SYT9: variants seen among roughly 807,000 people sequenced by gnomAD.
SYT9 encodes synaptotagmin 9.
Under a neutral mutation model 48.4 loss-of-function variants are expected in SYT9, and 22 were observed. That is an observed-to-expected ratio of 0.45 (90% CI 0.32 to 0.65). The LOEUF (loss-of-function observed/expected upper bound fraction) is 0.65. Ranked by LOEUF, SYT9 falls within the 30% of genes least tolerant of loss-of-function variation. SYT9 has a pLI of 0.03. For synonymous variants in SYT9, 265 were observed against 245.0 expected (o/e 1.08, Z -0.76); for missense variants, 577 against 622.0 (o/e 0.93, Z 0.77).
chr11:7,436,689 G>A (rs902753999), intron 6 of SYT9, among the ~76,000 whole-genome samples: 1 of 151,784 alleles, frequency 6.6e-6, no homozygotes, highest in African/African-American at 2.4e-5. Flanking sequence ...GAAAGTTGAA[G>A]GTCTAAAACA....
intron 3 of SYT9, among the ~76,000 whole-genome samples, chr11:7,349,324 C>T (rs995873397): frequency 1.3e-5 from 2 of 151,714 alleles, no homozygotes; most frequent in Non-Finnish European, 2.9e-5. Context: ...TGTATACTTA[C>T]ACATGGTTAA....
At chr11:7,396,378 C>G (rs1846752919) in intron 3 of SYT9, among the ~76,000 whole-genome samples, 1 of 152,056 alleles carries the variant, frequency 6.6e-6, no homozygotes, top group South Asian at 2.1e-4. Flanking sequence ...TCTTTTGTGT[C>G]TGGCTTCTTT....
chr11:7,306,006 A>G (rs1475925709), intron 2 of SYT9, among the ~76,000 whole-genome samples: 1 of 152,188 alleles, frequency 6.6e-6, no homozygotes, highest in Admixed American at 6.5e-5. Context: ...GTTTCTGGTC[A>G]GAATGACTTT....
intron 1 of SYT9, among the ~76,000 whole-genome samples, chr11:7,244,189 C>A (rs1386764648): frequency 6.6e-6 from 1 of 152,080 alleles, no homozygotes; most frequent in Non-Finnish European, 1.5e-5. Context: ...AATTCTAAAG[C>A]CAACAAATCT....
intron 1 of SYT9, among the ~76,000 whole-genome samples, chr11:7,291,307 C>G (rs1443869031): frequency 6.6e-6 from 1 of 152,122 alleles, no homozygotes; most frequent in Non-Finnish European, 1.5e-5. Flanking sequence ...ACTTAAAATG[C>G]AAATGTTAGG....
At position 7,302,909 on chromosome 11, in the gene SYT9, G is replaced by A. The variant is rs774256893; in HGVS notation, c.146-130G>A. 3.5e-5 allele frequency: 27 copies of A among 765,040 alleles called. No homozygotes were observed. In the Middle Eastern group the frequency reaches 4.6e-3, roughly 129 times the overall value. The allele number at this position is 765,040 out of a possible 1,614,324, so 47.4% of individuals were successfully genotyped here. ...CCAGAATTAAGTAACCCAGCCATGCGCCCCAGCATGGCCTTCCGCAGTCGG... is the reference window on the plus strand; with the variant it reads ...CCAGAATTAAGTAACCCAGCCATGCACCCCAGCATGGCCTTCCGCAGTCGG... On this transcript the variant is annotated intron_variant, in intron 1 of 6. Coordinates refer to ENST00000318881, the MANE Select transcript of SYT9 (RefSeq NM_175733.4).
chr11:7,415,926 T>C, intron 3 of SYT9, 116 bp from the exon 4 acceptor site: 1 of 1,285,870 alleles, frequency 7.8e-7, no homozygotes, highest in Non-Finnish European at 1.1e-6. Context: ...TACCAGGGAT[T>C]CTACAAGCTG....
chr11:7,418,850 T>C (rs967637047), intron 5 of SYT9, among the ~76,000 whole-genome samples: 2 of 152,244 alleles, frequency 1.3e-5, no homozygotes, highest in Admixed American at 6.5e-5. Context: ...AAACCAGTCA[T>C]TAGACTAAAA....
At chr11:7,391,346 G>T (rs1449345409) in intron 3 of SYT9, among the ~76,000 whole-genome samples, 1 of 152,040 alleles carries the variant, frequency 6.6e-6, no homozygotes, top group African/African-American at 2.4e-5. Flanking sequence ...CAGGTCAGAT[G>T]GTAGTTCTAT....
At chr11:7,422,026 G>A (rs1847365492) in intron 6 of SYT9, among the ~76,000 whole-genome samples, 1 of 152,192 alleles carries the variant, frequency 6.6e-6, no homozygotes, top group Middle Eastern at 3.2e-3. Context: ...GAGGATGCGT[G>A]GGTTCCAGGC....
intron 3 of SYT9, among the ~76,000 whole-genome samples, chr11:7,394,643 A>C (rs1457755312): frequency 6.6e-6 from 1 of 151,958 alleles, no homozygotes; most frequent in Non-Finnish European, 1.5e-5. Context: ...CATTTCATTG[A>C]TCATCTGTAT....
chr11:7,248,302 T>C (rs2087217), upstream of SYT9, among the ~76,000 whole-genome samples: 1,050 of 152,250 alleles, frequency 6.9e-3, 4 homozygotes, highest in Non-Finnish European at 0.01. Context: ...TGTTTTTTTT[T>C]TCCTGTGCAA....
chr11:7,380,032 A>G (rs1323943093), intron 3 of SYT9, among the ~76,000 whole-genome samples: 1 of 152,182 alleles, frequency 6.6e-6, no homozygotes, highest in Non-Finnish European at 1.5e-5. Context: ...TAAGATTTGG[A>G]AACAACCTAA....
At chr11:7,309,743 C>A (rs1411117995) in intron 2 of SYT9, among the ~76,000 whole-genome samples, 1 of 152,280 alleles carries the variant, frequency 6.6e-6, no homozygotes, top group Middle Eastern at 3.4e-3. Context: ...GCCCCTGGGG[C>A]AGTCTCCCTG....
chr11:7,260,972 A>G (rs1848067473), intron 1 of SYT9, among the ~76,000 whole-genome samples: 1 of 152,190 alleles, frequency 6.6e-6, no homozygotes, highest in Non-Finnish European at 1.5e-5. Flanking sequence ...GGATGTGCAC[A>G]GTCTGTTTTC....
At chr11:7,349,628 A>C (rs1329571463) in intron 3 of SYT9, among the ~76,000 whole-genome samples, 1 of 152,050 alleles carries the variant, frequency 6.6e-6, no homozygotes, top group East Asian at 1.9e-4. Flanking sequence ...CACCCTACCA[A>C]CGTCTGTCCC....
At chr11:7,406,369 A>G (rs1047118708) in intron 3 of SYT9, among the ~76,000 whole-genome samples, 3 of 151,946 alleles carry the variant, frequency 2.0e-5, no homozygotes, top group African/African-American at 4.8e-5. Context: ...TCTAGTCTCT[A>G]TCTCCATGAG....
At chr11:7,329,811 T>C (rs7930531) in intron 3 of SYT9, among the ~76,000 whole-genome samples, 72,807 of 152,008 alleles carry the variant, frequency 0.48, 18,610 homozygotes, top group Non-Finnish European at 0.58. Context: ...GAACCTTTTA[T>C]TGAATCTGAG....
chr11:7,451,448 T>C (rs1848045718), intron 6 of SYT9, among the ~76,000 whole-genome samples: 1 of 152,134 alleles, frequency 6.6e-6, no homozygotes, highest in African/African-American at 2.4e-5. Flanking sequence ...GAAGTGAAAA[T>C]GTATGACTTT....
Sources: gnomAD v4.1 joint callset for allele counts (sites outside exome capture counted in the v4.1 genomes callset) on GRCh38, gnomAD v4.1.1 for gene constraint, MANE v1.5 for transcripts, NCBI Gene and HGNC (gene_info 2026-07-23, HGNC 2026-07-21) for gene names.